MTAP: variants seen among roughly 807,000 people sequenced by gnomAD.
The protein encoded by MTAP is S-methyl-5'-thioadenosine phosphorylase.
MTAP carries 33 observed loss-of-function variants against 33.6 expected under a neutral mutation model. That is an observed-to-expected ratio of 0.98 (90% CI 0.74 to 1.31). MTAP has a LOEUF of 1.31. MTAP is among the 40% of genes most tolerant of loss of function. The probability of loss-of-function intolerance (pLI) is 0.00; values close to 1 mark genes in which losing one functional copy is unlikely to be tolerated. For synonymous variants in MTAP, 148 were observed against 125.7 expected (o/e 1.18, Z -1.19); for missense variants, 367 against 360.0 (o/e 1.02, Z -0.16).
intron 4 of MTAP, among the ~76,000 whole-genome samples, chr9:21,820,625 T>C (rs555068193): frequency 6.6e-6 from 1 of 151,900 alleles, no homozygotes; most frequent in East Asian, 1.9e-4. Flanking sequence ...GCAATGTTCA[T>C]GGTTCCATAT....
In MTAP at chr9:21,864,718, C is replaced by G. The variant is rs142122927; in HGVS notation, c.*2704C>G. 2.0e-6 allele frequency: 2 copies of G among 985,376 alleles called. No homozygotes were observed. Among genetic ancestry groups the G allele is most frequent in the African/African-American group, 3.5e-5 (2 of 57,310 alleles). 61.0% of individuals were successfully genotyped at this position (985,376 alleles called of 1,614,324 possible). On this transcript the variant is annotated 3_prime_UTR_variant, in exon 8 of 8. Coordinates refer to ENST00000644715, the MANE Select transcript of MTAP (RefSeq NM_002451.4). The stretch of plus-strand genomic sequence containing the variant: ...GGAAACTCTGGTACGGTGGCACCCT[C>G]AGGAGTGGAGGACAGTGAACTTCCT...
rs1818865035 is a variant in MTAP at position 21,926,083 on chromosome 9, A to AGGAAGTCACACACAAGGATGAG, written c.148-4904_148-4903insGGGAAGTCACACACAAGGATGA. Among the ~76,000 whole-genome samples the AGGAAGTCACACACAAGGATGAG allele has an allele frequency of 2.6e-5, 4 of 152,330 alleles. No homozygotes were observed. In the South Asian group the frequency reaches 8.3e-4, roughly 32 times the overall value. Reference sequence around the variant, plus strand: ...TTTCCAAATGCAATCTTATGCCTCAAGGAAGTCACACACAAGGATGAACTT... The same window carrying AGGAAGTCACACACAAGGATGAG: ...TTTCCAAATGCAATCTTATGCCTCAAGGAAGTCACACACAAGGATGAGGGAAGTCACACACAAGGATGAACTT... On this transcript the variant is annotated intron_variant, in intron 1 of 1. Coordinates refer to the MTAP transcript ENST00000577563.
intron 1 of MTAP, among the ~76,000 whole-genome samples, chr9:21,921,535 A>T (rs558271801): frequency 6.6e-6 from 1 of 152,238 alleles, no homozygotes; most frequent in Non-Finnish European, 1.5e-5. Flanking sequence ...ATTGTAAGAA[A>T]GTTTTAACCT....
chr9:21,908,048 C>A (rs1200411033), intron 1 of MTAP, among the ~76,000 whole-genome samples: 1 of 152,114 alleles, frequency 6.6e-6, no homozygotes, highest in Non-Finnish European at 1.5e-5. Flanking sequence ...TTGATATAGT[C>A]AAGATACAGA....
chr9:21,839,172 G>GTTTTT (rs1403253758), intron 5 of MTAP, among the ~76,000 whole-genome samples: 1 of 126,472 alleles, frequency 7.9e-6, no homozygotes, highest in Non-Finnish European at 1.6e-5. Flanking sequence ...TCTTTTACTT[G>GTTTTT]GTTTTTTTTT....
chr9:21,899,038 G>C (rs1587283795), intron 1 of MTAP, among the ~76,000 whole-genome samples: 1 of 152,082 alleles, frequency 6.6e-6, no homozygotes, highest in South Asian at 2.1e-4. Context: ...ATACACCATG[G>C]AATACTATGC....
chr9:21,897,451 G>A (rs548919408), intron 1 of MTAP, among the ~76,000 whole-genome samples: 53 of 152,300 alleles, frequency 3.5e-4, no homozygotes, highest in African/African-American at 1.3e-3. Context: ...GTCCCTGTTT[G>A]CAGATGACAT....
intron 1 of MTAP, chr9:21,930,208 C>T: frequency 3.3e-6 from 1 of 302,676 alleles, no homozygotes; most frequent in Non-Finnish European, 6.5e-6. Context: ...CAGAGCCAAA[C>T]CCCATGTACC....
At chr9:21,825,051 G>A (rs2118157492) in intron 4 of MTAP, among the ~76,000 whole-genome samples, 1 of 152,234 alleles carries the variant, frequency 6.6e-6, no homozygotes, top group South Asian at 2.1e-4. Context: ...ACGCTTCCTA[G>A]GTGAGGCGAT....
At chr9:21,912,358 G>A (rs142572192) in intron 1 of MTAP, among the ~76,000 whole-genome samples, 2,859 of 152,182 alleles carry the variant, frequency 0.019, 63 homozygotes, top group African/African-American at 0.051. Context: ...AATATTCCTG[G>A]TGAACATCGA....
intron 1 of MTAP, among the ~76,000 whole-genome samples, chr9:21,805,525 A>G (rs1323616269): frequency 6.6e-6 from 1 of 152,194 alleles, no homozygotes; most frequent in African/African-American, 2.4e-5. Context: ...AGGGAGGTGG[A>G]TTTTAAGCTG....
At chr9:21,804,704 CAA>C (rs10608085) in intron 1 of MTAP, among the ~76,000 whole-genome samples, 17,230 of 152,096 alleles carry the variant, frequency 0.11, 1,633 homozygotes, top group African/African-American at 0.24. Context: ...ATCCTATTCC[CAA>C]ATTATAGAAT....
chr9:21,919,029 A>G (rs1413664460), intron 1 of MTAP, among the ~76,000 whole-genome samples: 1 of 152,208 alleles, frequency 6.6e-6, no homozygotes, highest in Admixed American at 6.5e-5. Flanking sequence ...ATCAAACACT[A>G]TTGATAGGAA....
chr9:21,893,437 T>C (rs546720147), intron 1 of MTAP: 1 of 152,212 alleles, frequency 6.6e-6, no homozygotes, highest in South Asian at 2.1e-4. Flanking sequence ...ATACATACAA[T>C]TGTTTTCAAA....
intron 1 of MTAP, among the ~76,000 whole-genome samples, chr9:21,918,242 T>C (rs1430094438): frequency 5.1e-5 from 7 of 136,280 alleles, no homozygotes; most frequent in South Asian, 2.3e-4. Context: ...CCCAGCTACT[T>C]GGGAGGCTGA....
chr9:21,930,872 G>C (rs978367073), intron 1 of MTAP: 2 of 635,508 alleles, frequency 3.1e-6, no homozygotes, highest in African/African-American at 3.7e-5. Flanking sequence ...AGTTAGATTG[G>C]TAAGGAACCT....
intron 4 of MTAP, among the ~76,000 whole-genome samples, chr9:21,830,908 T>C (rs1233613705): frequency 6.6e-6 from 1 of 152,178 alleles, no homozygotes; most frequent in Non-Finnish European, 1.5e-5. Context: ...CTTGTAAAGC[T>C]CGACTTCGAT....
At chr9:21,858,742 C>T (rs779704799) in intron 6 of MTAP, among the ~76,000 whole-genome samples, 1 of 152,180 alleles carries the variant, frequency 6.6e-6, no homozygotes, top group African/African-American at 2.4e-5. Flanking sequence ...CAGTGCTTTT[C>T]AGAGATGTCA....
At chr9:21,827,779 T>C (rs1301571925) in intron 4 of MTAP, among the ~76,000 whole-genome samples, 1 of 152,194 alleles carries the variant, frequency 6.6e-6, no homozygotes, top group African/African-American at 2.4e-5. Context: ...GGAGTTTGTG[T>C]TTTGGAGACA....
Sources: gnomAD v4.1 joint callset for allele counts (sites outside exome capture counted in the v4.1 genomes callset) on GRCh38, gnomAD v4.1.1 for gene constraint, MANE v1.5 for transcripts, NCBI Gene and HGNC (gene_info 2026-07-23, HGNC 2026-07-21) for gene names.